KIF1B: variants seen among roughly 807,000 people sequenced by gnomAD.
The protein encoded by KIF1B is kinesin-like protein KIF1B.
KIF1B carries 76 observed loss-of-function variants against 241.9 expected under a neutral mutation model. The observed-to-expected ratio is 0.31, with a 90% confidence interval of 0.26 to 0.38. The LOEUF (loss-of-function observed/expected upper bound fraction) is 0.38. KIF1B is among the 10% of genes least tolerant of loss of function. The pLI is 1.00. For synonymous variants in KIF1B, 750 were observed against 796.7 expected, an observed-to-expected ratio of 0.94 and a Z score of 0.99; for missense variants, 1,622 against 2,271.4, an observed-to-expected ratio of 0.71 and a Z score of 5.81.
At chr1:10,308,237 C>T (rs1030174844) in intron 22 of KIF1B, 17 of 1,060,816 alleles carry the variant, frequency 1.6e-5, no homozygotes, top group Non-Finnish European at 1.9e-5. Flanking sequence ...CCGTCTTAGG[C>T]ACAGTGCAAA....
intron 2 of KIF1B, among the ~76,000 whole-genome samples, chr1:10,244,988 C>A (rs1335313187): frequency 6.6e-6 from 1 of 152,164 alleles, no homozygotes; most frequent in Non-Finnish European, 1.5e-5. Context: ...GGATTTTTAA[C>A]AAGCCCTAAA....
intron 1 of KIF1B, among the ~76,000 whole-genome samples, chr1:10,226,186 C>T (rs1440007652): frequency 2.6e-5 from 4 of 151,988 alleles, no homozygotes; most frequent in African/African-American, 4.8e-5. Flanking sequence ...ACAAAGCAAG[C>T]TTTTAGCCTG....
In KIF1B at chr1:10,306,229, C is replaced by T. The variant is rs1479797888; in HGVS notation, c.2115+8983C>T. The T allele has an allele frequency of 4.8e-6, 5 of 1,041,108 alleles. No homozygotes were observed. In the Admixed American group the frequency reaches 2.8e-4, roughly 58 times the overall value. 64.5% of individuals were successfully genotyped at this position (1,041,108 alleles called of 1,614,324 possible). The stretch of plus-strand genomic sequence containing the variant: ...TAGCTAGAACAGTTGAAGTCTTCAA[C>T]TGAGGTTTTATAGCAGATTAGACAT... On this transcript the variant is annotated intron_variant, in intron 22 of 48. Transcript: ENST00000676179.
chr1:10,267,985 A>G (rs967190152), intron 6 of KIF1B, among the ~76,000 whole-genome samples, 167 bp from the exon 7 acceptor site: 3 of 152,246 alleles, frequency 2.0e-5, no homozygotes, highest in African/African-American at 7.2e-5. Flanking sequence ...ATGGGCTCAC[A>G]AATAAGGCAG....
chr1:10,265,530 C>G (rs527986539), intron 5 of KIF1B, among the ~76,000 whole-genome samples: 2 of 152,228 alleles, frequency 1.3e-5, no homozygotes, highest in South Asian at 4.1e-4. Flanking sequence ...GCCACCATGC[C>G]CAGCCTTTAA....
At chr1:10,327,004 G>A (rs578247530) in intron 27 of KIF1B, among the ~76,000 whole-genome samples, 1 of 152,242 alleles carries the variant, frequency 6.6e-6, no homozygotes, top group East Asian at 1.9e-4. Context: ...TTAACCTATA[G>A]GGTTTATAAT....
At chr1:10,359,879 GA>G (rs1478292402) in intron 38 of KIF1B, among the ~76,000 whole-genome samples, 1 of 151,368 alleles carries the variant, frequency 6.6e-6, no homozygotes, top group East Asian at 1.9e-4. Context: ...ACTAAAAATA[GA>G]AAAATTAGCT....
intron 7 of KIF1B, among the ~76,000 whole-genome samples, chr1:10,270,336 G>C (rs987739126): frequency 1.8e-4 from 27 of 152,244 alleles, no homozygotes; most frequent in Admixed American, 9.8e-4. Context: ...TGGAATCATA[G>C]AGTATGTACT....
intron 1 of KIF1B, among the ~76,000 whole-genome samples, chr1:10,227,478 C>T (rs1646925032): frequency 6.6e-6 from 1 of 152,162 alleles, no homozygotes; most frequent in Non-Finnish European, 1.5e-5. Flanking sequence ...TCTTTCCTCC[C>T]TATATGTCTT....
intron 15 of KIF1B, among the ~76,000 whole-genome samples, chr1:10,285,832 G>A (rs1649664040): frequency 6.6e-6 from 1 of 152,198 alleles, no homozygotes; most frequent in Non-Finnish European, 1.5e-5. Context: ...GGTTCCTAAG[G>A]CATGGTGCTG....
In KIF1B at chr1:10,368,515, C is replaced by T; in HGVS notation, c.4801C>T (p.His1601Tyr). ...TTTCAACAGAGAATTCAGCCAGGTG[C>T]ACGGCAGCGTCAGTGACTGTAAGGT... ...HTFNREFSQV[H>Y]GSVSDCKLSD... Residue 1601 changes from histidine to tyrosine, a missense_variant, in exon 44 of 49, where the codon CAC (histidine) becomes TAC (tyrosine). His to Tyr is a moderately conservative substitution (Grantham distance 83). Coordinates refer to ENST00000676179, the MANE Select transcript of KIF1B (RefSeq NM_001365951.3). The T allele has an allele frequency of 1.2e-6, 2 of 1,613,944 alleles. No individual in the cohort carries two copies. The highest frequency in any genetic ancestry group is 2.2e-5 in the South Asian group (2 of 91,072).
intron 24 of KIF1B, among the ~76,000 whole-genome samples, 160 bp from the exon 25 acceptor site, chr1:10,323,724 A>T (rs575148508): frequency 1.3e-5 from 2 of 152,254 alleles, no homozygotes; most frequent in Non-Finnish European, 2.9e-5. Flanking sequence ...GTTATTCCCT[A>T]TGACTGCTAA....
intron 1 of KIF1B, among the ~76,000 whole-genome samples, chr1:10,218,425 CTT>C (rs879830838): frequency 6.8e-6 from 1 of 146,084 alleles, no homozygotes. Context: ...CTTTGTGCAA[CTT>C]TTTTTTTTTT....
chr1:10,330,615 G>A (rs1651885180), intron 27 of KIF1B, among the ~76,000 whole-genome samples: 1 of 152,126 alleles, frequency 6.6e-6, no homozygotes, highest in African/African-American at 2.4e-5. Context: ...AAGTTGGATG[G>A]CTTTGCTTTT....
Position 10,298,339 on chromosome 1 carries a change from G to T in KIF1B, c.2115+1093G>T, listed in dbSNP as rs570419347. ...GAAGAAGGGGCTTAGTGCTAAGTGGGCCAGAAACGTGAAGGACTTGAGCAC... is the reference window on the plus strand; with the variant it reads ...GAAGAAGGGGCTTAGTGCTAAGTGGTCCAGAAACGTGAAGGACTTGAGCAC... On this transcript the variant is annotated intron_variant, in intron 22 of 48. Coordinates refer to ENST00000676179, the MANE Select transcript of KIF1B (RefSeq NM_001365951.3). Among the ~76,000 whole-genome samples the T allele has an allele frequency of 9.8e-5, 15 of 152,292 alleles. No individual in the cohort carries two copies. The South Asian group carries it at 1.5e-3, about 15-fold the overall frequency.
Position 10,235,174 on chromosome 1 carries a change from T to G in KIF1B, c.106+2740T>G, listed in dbSNP as rs548360721. On this transcript the variant is annotated intron_variant, in intron 2 of 48. Coordinates refer to ENST00000676179, the MANE Select transcript of KIF1B (RefSeq NM_001365951.3). ...CAAAGTGCTGGGATTACAGGCGTGA[T>G]CCACCGTGCTCGGCCAAAATAATTT... 7.9e-5 allele frequency among the ~76,000 whole-genome samples: 12 copies of G among 151,476 alleles called. No individual in the cohort carries two copies. In the South Asian group the frequency reaches 2.3e-3, roughly 29 times the overall value.
intron 7 of KIF1B, among the ~76,000 whole-genome samples, chr1:10,268,934 A>T (rs1042243435): frequency 6.6e-6 from 1 of 152,142 alleles, no homozygotes; most frequent in Non-Finnish European, 1.5e-5. Context: ...ATTAAGCGTT[A>T]ATATAGGTTA....
Position 10,374,249 on chromosome 1 carries a change from C to A in KIF1B, c.4947-67C>A, listed in dbSNP as rs1040939380. On this transcript the variant is annotated intron_variant, in intron 45 of 48. Coordinates refer to ENST00000676179, the MANE Select transcript of KIF1B (RefSeq NM_001365951.3). This position sits in a 1 kb window ranked among gnomAD's most constrained non-coding sequence, Gnocchi z 4.3. ...TTGTGTTCCTCCCAGTGAAACAGTA[C>A]TCAGTATGCCTTGATTGTAACTGAT... is the stretch of plus-strand genomic sequence containing the variant. The A allele has an allele frequency of 1.3e-5, 20 of 1,519,358 alleles. No individual in the cohort carries two copies. The African/African-American group carries it at 2.6e-4, about 20-fold the overall frequency. 94.1% of individuals were successfully genotyped at this position (1,519,358 alleles called of 1,614,324 possible). A position where few individuals can be genotyped will look rare whatever the true frequency, so the allele number is the denominator to read the frequency against.
intron 44 of KIF1B, among the ~76,000 whole-genome samples, chr1:10,369,641 C>T (rs917033700): frequency 3.3e-5 from 5 of 151,592 alleles, no homozygotes; most frequent in Admixed American, 6.6e-5. Flanking sequence ...TTAATGATAA[C>T]GGACTGGGGG....
Sources: gnomAD v4.1 joint callset for allele counts (sites outside exome capture counted in the v4.1 genomes callset) on GRCh38, gnomAD v4.1.1 for gene constraint, Gnocchi (gnomAD v3.1) non-coding constraint, MANE v1.5 for transcripts, NCBI Gene and HGNC (gene_info 2026-07-23, HGNC 2026-07-21) for gene names.